The following SUPT3H variants were observed in gnomAD, a reference collection of about 807,000 sequenced individuals.
SUPT3H encodes transcription initiation protein SPT3 homolog.
Under a neutral mutation model 44.3 loss-of-function variants are expected in SUPT3H, and 44 were observed. That is an observed-to-expected ratio of 0.99 (90% CI 0.78 to 1.28). SUPT3H has a LOEUF of 1.28. SUPT3H is among the 50% of genes most tolerant of loss of function. SUPT3H has a pLI of 0.00. For missense variants in SUPT3H, 380 were observed against 387.1 expected, an observed-to-expected ratio of 0.98 and a Z score of 0.15; for synonymous variants, 124 against 125.6, an observed-to-expected ratio of 0.99 and a Z score of 0.09.
At chr6:45,085,352 T>C (rs946615165) in intron 3 of SUPT3H, among the ~76,000 whole-genome samples, 4 of 152,142 alleles carry the variant, frequency 2.6e-5, no homozygotes, top group African/African-American at 9.7e-5. Flanking sequence ...TCAACATAAA[T>C]GTGTGTGACA....
At chr6:44,902,592 C>T (rs1173086625) in intron 10 of SUPT3H, among the ~76,000 whole-genome samples, 1 of 152,122 alleles carries the variant, frequency 6.6e-6, no homozygotes, top group African/African-American at 2.4e-5. Flanking sequence ...GAGACTTTAA[C>T]ACCCCACTGT....
chr6:45,092,312 T>C (rs1797227144), intron 3 of SUPT3H, among the ~76,000 whole-genome samples: 2 of 152,188 alleles, frequency 1.3e-5, no homozygotes, highest in African/African-American at 4.8e-5. Context: ...CTTAATGCCA[T>C]ATTATTAGTT....
intron 10 of SUPT3H, among the ~76,000 whole-genome samples, chr6:44,850,503 T>C (rs1051684068): frequency 1.3e-5 from 2 of 152,026 alleles, no homozygotes; most frequent in African/African-American, 2.4e-5. Flanking sequence ...ATATTAGAGA[T>C]GGAAAAGACT....
chr6:45,194,334 T>TG (rs2153621046), intron 2 of SUPT3H, among the ~76,000 whole-genome samples: 1 of 152,236 alleles, frequency 6.6e-6, no homozygotes, highest in African/African-American at 2.4e-5. Context: ...AAAATGATAC[T>TG]TTAAAGTGTT....
intron 2 of SUPT3H, among the ~76,000 whole-genome samples, chr6:45,268,566 G>A (rs915031182): frequency 1.3e-5 from 2 of 152,132 alleles, no homozygotes; most frequent in Admixed American, 6.6e-5. Flanking sequence ...TATTCTCACT[G>A]TAAGCAATTA....
intron 2 of SUPT3H, among the ~76,000 whole-genome samples, chr6:45,187,102 A>C (rs977892197): frequency 2.6e-4 from 1 of 3,828 alleles, no homozygotes; most frequent in South Asian, 8.8e-3. Flanking sequence ...TTTCGCCTTT[A>C]AAAAAAAAAA....
At chr6:44,930,018 T>G (rs1362493665) in intron 10 of SUPT3H, among the ~76,000 whole-genome samples, 1 of 151,466 alleles carries the variant, frequency 6.6e-6, no homozygotes, top group Non-Finnish European at 1.5e-5. Context: ...GAGGCCGAGG[T>G]GGGTGGATCA....
At chr6:45,034,351 G>C (rs1371542474) in intron 3 of SUPT3H, among the ~76,000 whole-genome samples, 1 of 151,794 alleles carries the variant, frequency 6.6e-6, no homozygotes, top group Admixed American at 6.6e-5. Flanking sequence ...GAGGGCAAGA[G>C]AGATCCAAAG....
chr6:45,204,320 G>T (rs181745853), intron 2 of SUPT3H, among the ~76,000 whole-genome samples: 11 of 135,614 alleles, frequency 8.1e-5, no homozygotes, highest in Non-Finnish European at 6.6e-5. Context: ...CATCTTCAGA[G>T]CCAGGTAAGA....
intron 3 of SUPT3H, among the ~76,000 whole-genome samples, chr6:45,061,893 G>GTTT (rs34656186): frequency 8.6e-5 from 8 of 93,550 alleles, no homozygotes; most frequent in Non-Finnish European, 1.1e-4. Flanking sequence ...TCCATAAGCT[G>GTTT]TTTTTTTTTT....
intron 2 of SUPT3H, among the ~76,000 whole-genome samples, chr6:45,179,765 T>A (rs978327585): frequency 1.6e-4 from 25 of 152,260 alleles, no homozygotes; most frequent in African/African-American, 5.5e-4. Context: ...CCAATATCAT[T>A]CTGAATGGGC....
At chr6:45,006,483 T>C (rs1404095106) in intron 5 of SUPT3H, among the ~76,000 whole-genome samples, 1 of 152,122 alleles carries the variant, frequency 6.6e-6, no homozygotes, top group East Asian at 1.9e-4. Flanking sequence ...ACCACCCCTT[T>C]TTCCATTTTC....
chr6:44,974,050 C>T (rs1160635842), intron 6 of SUPT3H, among the ~76,000 whole-genome samples: 1 of 152,042 alleles, frequency 6.6e-6, no homozygotes. Flanking sequence ...TGCTATGGCT[C>T]ACATATATTA....
At chr6:45,191,134 T>G (rs1815059440) in intron 2 of SUPT3H, among the ~76,000 whole-genome samples, 1 of 152,148 alleles carries the variant, frequency 6.6e-6, no homozygotes, top group Non-Finnish European at 1.5e-5. Flanking sequence ...TATAGTGGCT[T>G]TATTTATAAT....
At chr6:44,947,154 G>T (rs778077917) in intron 9 of SUPT3H, among the ~76,000 whole-genome samples, 32 of 152,184 alleles carry the variant, frequency 2.1e-4, no homozygotes, top group Admixed American at 7.9e-4. Context: ...CAGACTTATA[G>T]ACTACAGTAT....
chr6:45,281,656 C>A (rs1198022988), intron 2 of SUPT3H, among the ~76,000 whole-genome samples: 1 of 152,176 alleles, frequency 6.6e-6, no homozygotes, highest in Non-Finnish European at 1.5e-5. Context: ...GTAGACTCCA[C>A]CTCTGGGGGC....
intron 3 of SUPT3H, among the ~76,000 whole-genome samples, chr6:45,039,614 T>C (rs1047044866): frequency 6.6e-6 from 1 of 151,994 alleles, no homozygotes; most frequent in Non-Finnish European, 1.5e-5. Context: ...ACCCTGTCTC[T>C]ACTAAAAATA....
intron 10 of SUPT3H, among the ~76,000 whole-genome samples, chr6:44,924,632 A>C (rs1040178297): frequency 1.1e-4 from 17 of 152,222 alleles, no homozygotes; most frequent in African/African-American, 4.1e-4. Context: ...GTACACAGAA[A>C]AGGCTCTGGT....
intron 4 of SUPT3H, among the ~76,000 whole-genome samples, chr6:45,017,988 T>C (rs1412657304): frequency 6.6e-6 from 1 of 151,754 alleles, no homozygotes; most frequent in East Asian, 1.9e-4. Context: ...GCATGGAATG[T>C]TCTTCCATTT....
Sources: gnomAD v4.1 joint callset for allele counts (sites outside exome capture counted in the v4.1 genomes callset) on GRCh38, gnomAD v4.1.1 for gene constraint, MANE v1.5 for transcripts, NCBI Gene and HGNC (gene_info 2026-07-23, HGNC 2026-07-21) for gene names.